Variants in CTTNBP2 observed in about 807,000 individuals in gnomAD.
The protein encoded by CTTNBP2 is cortactin binding protein 2.
In CTTNBP2, 108 loss-of-function variants were observed where a neutral mutation model predicts 156.9. The observed-to-expected ratio is 0.69, with a 90% CI of 0.59 to 0.81. The LOEUF is 0.81. CTTNBP2 is among the 30% of genes least tolerant of loss of function. CTTNBP2 has a pLI of 0.00. For missense variants in CTTNBP2, 1,924 were observed against 2,035.4 expected (o/e 0.95, Z 1.05); for synonymous variants, 767 against 751.8 (o/e 1.02, Z -0.33).
At position 117,731,575 on chromosome 7, in the gene CTTNBP2, C is replaced by G. The variant is rs985577980; in HGVS notation, c.3877-3308G>C. On this transcript the variant is annotated intron_variant, in intron 16 of 22. Transcript: ENST00000160373. Reference sequence around the variant, plus strand: ...AACCAGCTAACACTGTTCTGATGCACTTATCACACTGTGTTTTGATGATCA... The same window carrying G: ...AACCAGCTAACACTGTTCTGATGCAGTTATCACACTGTGTTTTGATGATCA... Among the ~76,000 whole-genome samples the G allele has an allele frequency of 3.9e-5, 6 of 152,340 alleles. No individual in the cohort carries two copies. In the East Asian group the frequency reaches 1.2e-3, roughly 29 times the overall value.
chr7:117,817,351 A>AT (rs59278873), intron 2 of CTTNBP2, among the ~76,000 whole-genome samples: 5,871 of 46,698 alleles, frequency 0.13, 810 homozygotes, highest in East Asian at 0.27. Flanking sequence ...AAAAAAAAAA[A>AT]AAAAAAAAAA....
chr7:117,828,907 A>C (rs1801447987), intron 2 of CTTNBP2, among the ~76,000 whole-genome samples: 2 of 152,238 alleles, frequency 1.3e-5, no homozygotes, highest in African/African-American at 4.8e-5. Context: ...CACATTATAA[A>C]ACAGTGAAAT....
intron 22 of CTTNBP2, chr7:117,715,884 A>G (rs1794328014): frequency 6.6e-6 from 1 of 152,234 alleles, no homozygotes. Context: ...TGATAACAGA[A>G]GAAACTGGGC....
chr7:117,789,161 C>T (rs112136805), intron 4 of CTTNBP2, among the ~76,000 whole-genome samples: 6 of 152,000 alleles, frequency 3.9e-5, no homozygotes, highest in African/African-American at 9.7e-5. Flanking sequence ...GATTTTAATC[C>T]GTTAACTTTT....
intron 3 of CTTNBP2, among the ~76,000 whole-genome samples, chr7:117,805,113 A>G (rs1033194838): frequency 6.6e-6 from 1 of 152,118 alleles, no homozygotes; most frequent in Non-Finnish European, 1.5e-5. Flanking sequence ...ATTTAATAAG[A>G]GTTTTAGAGC....
intron 2 of CTTNBP2, among the ~76,000 whole-genome samples, chr7:117,815,417 T>C (rs1484751420): frequency 1.3e-5 from 2 of 152,216 alleles, no homozygotes; most frequent in South Asian, 2.1e-4. Context: ...AATAATATAA[T>C]GTATTTTTAA....
chr7:117,777,501 C>T lies in CTTNBP2; in HGVS notation c.2778+10G>A, dbSNP rs1338525089. ...AGCTGCATGATGAGGCCAGCTGCTACCAGACACACCTTAAAACCTTTGGAA... is the reference window on the plus strand; with the variant it reads ...AGCTGCATGATGAGGCCAGCTGCTATCAGACACACCTTAAAACCTTTGGAA... On this transcript the variant is annotated intron_variant, in intron 8 of 22. Transcript: ENST00000160373. 2 of 1,610,384 alleles carry T rather than the reference C, an allele frequency of 1.2e-6. No homozygotes were observed.
At position 117,867,362 on chromosome 7, in the gene CTTNBP2, CCATT is replaced by C. The variant is rs372638899; in HGVS notation, c.81+5969_81+5972del. Among the ~76,000 whole-genome samples the C allele has an allele frequency of 4.3e-4, 66 of 152,280 alleles. No homozygotes were observed. The Middle Eastern group carries it at 0.024, about 55-fold the overall frequency. ...AGACTCCAGAAATCTCTTGTTCTCG[CCATT>C]CAGTCTTAAAATCTGCTCTATTACT... On this transcript the variant is annotated intron_variant, in intron 1 of 22. Coordinates refer to ENST00000160373, the MANE Select transcript of CTTNBP2 (RefSeq NM_033427.3).
At chr7:117,801,028 G>T (rs188503892) in intron 3 of CTTNBP2, among the ~76,000 whole-genome samples, 1 of 152,194 alleles carries the variant, frequency 6.6e-6, no homozygotes, top group Admixed American at 6.5e-5. Flanking sequence ...TGGCCAAATC[G>T]GGGACAGATA....
intron 6 of CTTNBP2, 36 bp downstream of exon 6, chr7:117,782,826 T>G (rs1464130156): frequency 6.7e-7 from 1 of 1,487,358 alleles, no homozygotes; most frequent in Admixed American, 1.8e-5. Flanking sequence ...AGAGGCTCCT[T>G]TGATGGTGGG....
chr7:117,733,212 A>G (rs1341670862), intron 16 of CTTNBP2, among the ~76,000 whole-genome samples: 1 of 152,158 alleles, frequency 6.6e-6, no homozygotes, highest in African/African-American at 2.4e-5. Flanking sequence ...ATTCCCTTGT[A>G]CACACACCCC....
In CTTNBP2 at chr7:117,794,872, TATATC is replaced by T. The variant is rs1563015527; in HGVS notation, c.415-2096_415-2092del. 1.1e-3 allele frequency among the ~76,000 whole-genome samples: 150 copies of T among 142,674 alleles called. 5 individuals carry two copies. Among genetic ancestry groups the T allele is most frequent in the South Asian group, 2.0e-3 (9 of 4,496 alleles). The allele number at this position is 142,674 out of a possible 152,430, so 93.6% of individuals were successfully genotyped here. On this transcript the variant is annotated intron_variant, in intron 3 of 22. Coordinates refer to ENST00000160373, the MANE Select transcript of CTTNBP2 (RefSeq NM_033427.3). ...TGTTGTCATATACTGTTTTTATATG[TATATC>T]TTTTTTTTTTTTTTTTTTTTTTTTT...
intron 14 of CTTNBP2, among the ~76,000 whole-genome samples, chr7:117,739,075 G>A (rs143246717): frequency 2.0e-5 from 3 of 152,244 alleles, no homozygotes; most frequent in African/African-American, 7.2e-5. Flanking sequence ...GTCTTCATTC[G>A]CTTGCCTCAT....
At chr7:117,816,101 G>A (rs1340967853) in intron 2 of CTTNBP2, among the ~76,000 whole-genome samples, 1 of 152,200 alleles carries the variant, frequency 6.6e-6, no homozygotes, top group Non-Finnish European at 1.5e-5. Flanking sequence ...ATCTTCCCAG[G>A]AACCTGGAGA....
intron 12 of CTTNBP2, among the ~76,000 whole-genome samples, chr7:117,753,127 A>G (rs1472988824): frequency 2.0e-5 from 3 of 152,230 alleles, no homozygotes. Flanking sequence ...TCAAAAGGAC[A>G]TTCATGTGGC....
At chr7:117,832,521 C>T (rs1325024117) in intron 2 of CTTNBP2, among the ~76,000 whole-genome samples, 4 of 150,532 alleles carry the variant, frequency 2.7e-5, no homozygotes, top group Admixed American at 1.3e-4. Context: ...ACTCTTTATT[C>T]TCTCTCTACT....
At chr7:117,762,289 C>G (rs1584959655) in intron 9 of CTTNBP2, among the ~76,000 whole-genome samples, 1 of 152,162 alleles carries the variant, frequency 6.6e-6, no homozygotes, top group African/African-American at 2.4e-5. Flanking sequence ...CACAGATATC[C>G]TAAGAGACAT....
rs775867246 is a variant in CTTNBP2 at position 117,735,319 on chromosome 7, A to G, written c.3638T>C (p.Leu1213Ser). 1.2e-6 allele frequency: 2 copies of G among 1,613,922 alleles called. No homozygotes were observed. Among genetic ancestry groups the G allele is most frequent in the Admixed American group, 3.3e-5 (2 of 59,984 alleles). The change falls in exon 15 of 23, where the codon TTG (leucine) becomes TCG (serine). Residue 1213 changes from leucine to serine, a missense_variant. Physicochemically the swap from Leu to Ser is moderately radical, Grantham distance 145. Coordinates refer to ENST00000160373, the MANE Select transcript of CTTNBP2 (RefSeq NM_033427.3). ...AGTGCTGCGATTTTCAAGAGGTGCCAAAAAGTCCCTCAATAACTCCGACAG... is the reference window on the plus strand; with the variant it reads ...AGTGCTGCGATTTTCAAGAGGTGCCGAAAAGTCCCTCAATAACTCCGACAG... ...SSLSELLRDF[L>S]APLENRSTES...
intron 4 of CTTNBP2, among the ~76,000 whole-genome samples, chr7:117,788,820 T>C (rs1798840579): frequency 6.6e-6 from 1 of 152,158 alleles, no homozygotes; most frequent in African/African-American, 2.4e-5. Context: ...CGTTCTCCCT[T>C]AATAAGCCAC....
Sources: gnomAD v4.1 joint callset for allele counts (sites outside exome capture counted in the v4.1 genomes callset) on GRCh38, gnomAD v4.1.1 for gene constraint, MANE v1.5 for transcripts, NCBI Gene and HGNC (gene_info 2026-07-23, HGNC 2026-07-21) for gene names.